ADAM23: variants seen among roughly 807,000 people sequenced by gnomAD.
ADAM23 encodes ADAM metallopeptidase domain 23.
A neutral mutation model predicts 120.1 loss-of-function variants in ADAM23; 33 were observed. The ratio of observed to expected loss-of-function variants is 0.27; its 90% CI spans 0.21 to 0.37. ADAM23 has a LOEUF of 0.37. Ranked by LOEUF, ADAM23 falls within the 10% of genes least tolerant of loss-of-function variation. The pLI is 1.00. For synonymous variants in ADAM23, 367 were observed against 375.2 expected, an observed-to-expected ratio of 0.98 and a Z score of 0.25; for missense variants, 862 against 1,058.2, an observed-to-expected ratio of 0.81 and a Z score of 2.57.
At chr2:206,558,500 A>C (rs1574532966) in intron 10 of ADAM23, among the ~76,000 whole-genome samples, 1 of 152,218 alleles carries the variant, frequency 6.6e-6, no homozygotes, top group Admixed American at 6.5e-5. Flanking sequence ...ACAGCTGCAC[A>C]AAACTATAAC....
In ADAM23 at chr2:206,548,393, T is replaced by C. The variant is rs368796917; in HGVS notation, c.867+39T>C. The C allele has an allele frequency of 3.2e-6, 5 of 1,575,076 alleles. No homozygotes were observed. The African/African-American group carries it at 5.4e-5, about 17-fold the overall frequency. On this transcript the variant is annotated intron_variant, in intron 8 of 25. Transcript: ENST00000264377. ...TGAGCCTTGGGTGGGCCTATTTTAC[T>C]CAATGAAGTCATGTGCCTATCACCC...
Position 206,444,058 on chromosome 2 carries a change from C to T in ADAM23, c.192C>T (p.Ala64=), listed in dbSNP as rs1463857648. The T allele has an allele frequency of 2.2e-6, 3 of 1,387,454 alleles. No homozygotes were observed. The East Asian group carries it at 9.1e-5, about 42-fold the overall frequency. 85.9% of individuals were successfully genotyped at this position (1,387,454 alleles called of 1,614,324 possible). ...PPLAASSRPR[A]WGAAAPSAPH... ...TCGCCGCCTCGTCCCGGCCCCGCGC[C>T]TGGGGGGCTGCTGCGCCCAGCGGTG... is the stretch of plus-strand genomic sequence containing the variant. The change falls in exon 1 of 26, where the codon GCC becomes GCT. Residue 64 remains alanine, a synonymous_variant. Transcript: ENST00000264377.
At chr2:206,549,831 A>G (rs1030538026) in intron 8 of ADAM23, among the ~76,000 whole-genome samples, 6 of 152,122 alleles carry the variant, frequency 3.9e-5, no homozygotes, top group African/African-American at 1.4e-4. Flanking sequence ...AAAACCATAT[A>G]CAACAACATG....
chr2:206,582,454 T>A (rs1054740901), intron 18 of ADAM23, among the ~76,000 whole-genome samples: 1 of 152,214 alleles, frequency 6.6e-6, no homozygotes, highest in Non-Finnish European at 1.5e-5. Flanking sequence ...GTGAGTCTCC[T>A]GAAGGCAGCA....
chr2:206,470,072 C>G (rs1458952784), intron 2 of ADAM23, among the ~76,000 whole-genome samples: 1 of 152,064 alleles, frequency 6.6e-6, no homozygotes, highest in East Asian at 1.9e-4. Context: ...TTAGCCATCC[C>G]CCACAAAACA....
At chr2:206,499,640 A>G (rs1250942109) in intron 3 of ADAM23, among the ~76,000 whole-genome samples, 2 of 152,002 alleles carry the variant, frequency 1.3e-5, no homozygotes, top group Non-Finnish European at 1.5e-5. Flanking sequence ...AAAGTATAAT[A>G]ATAATAAGAA....
intron 2 of ADAM23, among the ~76,000 whole-genome samples, chr2:206,447,058 C>T (rs1187045969): frequency 6.6e-6 from 1 of 152,194 alleles, no homozygotes; most frequent in African/African-American, 2.4e-5. Flanking sequence ...TGCTCAAGCC[C>T]TCCTCAGCAG....
intron 12 of ADAM23, 102 bp from the exon 13 acceptor site, chr2:206,562,101 A>C: frequency 1.1e-5 from 10 of 944,100 alleles, no homozygotes. Context: ...GACAGGCTCT[A>C]CTTAGGGAAC....
At position 206,571,758 on chromosome 2, in the gene ADAM23, C is replaced by T. The variant is rs779263287; in HGVS notation, c.1598C>T (p.Ser533Phe). The change falls in exon 17 of 26, where the codon TCC becomes TTC. Residue 533 changes from serine (S) to phenylalanine (F), a missense_variant. Ser to Phe is a radical substitution (Grantham distance 155). Around this residue, in one of 4 missense-constraint regions of ADAM23, gnomAD observed 617 missense variants for 813.5 expected, o/e 0.76. Transcript: ENST00000264377. ...ECYGLCCKKCSLSNGAHCSDG... is the reference protein window; with the variant it reads ...ECYGLCCKKCFLSNGAHCSDG... ...TATGGATTATGCTGTAAGAAATGTT[C>T]CCTCTCCAACGGGGCTCACTGCAGC... is the stretch of plus-strand genomic sequence containing the variant. 1 of 1,614,086 alleles carries T rather than the reference C, an allele frequency of 6.2e-7. No individual in the cohort carries two copies.
intron 24 of ADAM23, among the ~76,000 whole-genome samples, chr2:206,597,600 A>G (rs1698554806): frequency 6.6e-6 from 1 of 152,316 alleles, no homozygotes; most frequent in South Asian, 2.1e-4. Flanking sequence ...GGCCTACTAC[A>G]GCATCTGTTA....
intron 2 of ADAM23, among the ~76,000 whole-genome samples, chr2:206,453,731 G>A (rs978464325): frequency 6.6e-6 from 1 of 152,208 alleles, no homozygotes; most frequent in Non-Finnish European, 1.5e-5. Context: ...TAAAACTTTT[G>A]CTTTCTATAA....
intron 2 of ADAM23, among the ~76,000 whole-genome samples, chr2:206,461,005 C>T (rs1268053063): frequency 6.6e-6 from 1 of 150,864 alleles, no homozygotes; most frequent in Non-Finnish European, 1.5e-5. Flanking sequence ...CATCCTTTCC[C>T]TTGTGAATGT....
At chr2:206,573,063 ACT>A (rs1698036877) in intron 17 of ADAM23, 50 bp from the exon 18 acceptor site, 3 of 1,569,286 alleles carry the variant, frequency 1.9e-6, no homozygotes, top group South Asian at 1.1e-5. Context: ...TGTTATAATA[ACT>A]CTGAAATATT....
chr2:206,492,775 C>T (rs796984408), intron 3 of ADAM23, among the ~76,000 whole-genome samples: 1 of 152,096 alleles, frequency 6.6e-6, no homozygotes, highest in Non-Finnish European at 1.5e-5. Context: ...CCTGAAAAGA[C>T]CCCACCTCTT....
intron 6 of ADAM23, among the ~76,000 whole-genome samples, chr2:206,546,533 G>T (rs939767533): frequency 6.6e-6 from 1 of 151,918 alleles, no homozygotes; most frequent in African/African-American, 2.4e-5. Context: ...AACTAATATA[G>T]GAAATTTGGA....
intron 3 of ADAM23, among the ~76,000 whole-genome samples, chr2:206,498,938 G>T (rs1318693277): frequency 2.0e-5 from 3 of 152,100 alleles, no homozygotes; most frequent in East Asian, 1.9e-4. Context: ...AATCAGAACC[G>T]CAATGAGATA....
At chr2:206,470,330 A>G (rs762972735) in intron 2 of ADAM23, among the ~76,000 whole-genome samples, 2 of 152,128 alleles carry the variant, frequency 1.3e-5, no homozygotes, top group Non-Finnish European at 2.9e-5. Context: ...ATGGAGTTTT[A>G]ATAGGCCTAA....
At chr2:206,572,037 T>G (rs1698012318) in intron 17 of ADAM23, among the ~76,000 whole-genome samples, 1 of 152,166 alleles carries the variant, frequency 6.6e-6, no homozygotes, top group South Asian at 2.1e-4. Flanking sequence ...AATGCCTCAT[T>G]AGGAAAATAT....
intron 2 of ADAM23, among the ~76,000 whole-genome samples, chr2:206,471,820 G>A (rs534308248): frequency 7.2e-5 from 11 of 152,142 alleles, no homozygotes; most frequent in African/African-American, 2.6e-4. Flanking sequence ...TATTCAGGAA[G>A]GCAGTTACCA....
Sources: allele counts gnomAD v4.1 joint callset (sites outside exome capture counted in the v4.1 genomes callset), GRCh38; gene constraint gnomAD v4.1.1; regional missense constraint gnomAD v4.1.1; transcripts MANE v1.5; gene names NCBI Gene and HGNC (gene_info 2026-07-23, HGNC 2026-07-21).